CDH18: variants seen among roughly 807,000 people sequenced by gnomAD.
The protein encoded by CDH18 is cadherin 18.
Under a neutral mutation model 67.9 loss-of-function variants are expected in CDH18, and 31 were observed. The observed-to-expected ratio is 0.46, with a 90% CI of 0.34 to 0.62. CDH18 has a LOEUF of 0.62. Ranked by LOEUF, CDH18 falls within the 20% of genes least tolerant of loss-of-function variation. The probability of loss-of-function intolerance (pLI) is 0.01; values close to 1 mark genes in which losing one functional copy is unlikely to be tolerated. For synonymous variants in CDH18, 362 were observed against 347.2 expected (o/e 1.04, Z -0.48); for missense variants, 890 against 975.5 (o/e 0.91, Z 1.17).
chr5:20,073,379 T>A (rs1743652302), intron 2 of CDH18, among the ~76,000 whole-genome samples: 1 of 151,998 alleles, frequency 6.6e-6, no homozygotes, highest in South Asian at 2.1e-4. Context: ...CTCAAATGAA[T>A]TTTATTTTGC....
intron 3 of CDH18, among the ~76,000 whole-genome samples, chr5:19,758,685 G>A (rs1033851568): frequency 2.0e-5 from 3 of 152,204 alleles, no homozygotes; most frequent in South Asian, 2.1e-4. Context: ...ATTGTAGGAG[G>A]TGCCAAATGC....
rs147482144 is a variant in CDH18, at chr5:19,928,784, T to C, written c.-257+52276A>G. On this transcript the variant is annotated intron_variant, in intron 2 of 12. Transcript: ENST00000382275. ...TTGGCACTCAGGATCTCTGAATAAA[T>C]GCATTGGCTGCACAGTGGGGCTCAG... Among the ~76,000 whole-genome samples the C allele has an allele frequency of 6.3e-4, 96 of 152,204 alleles. 2 individuals carry two copies. Among genetic ancestry groups the C allele is most frequent in the African/African-American group, 2.1e-3 (87 of 41,562 alleles).
At chr5:20,465,994 T>A (rs1751609322) in intron 1 of CDH18, among the ~76,000 whole-genome samples, 1 of 152,068 alleles carries the variant, frequency 6.6e-6, no homozygotes, top group African/African-American at 2.4e-5. Flanking sequence ...ATTTTTAATC[T>A]GTAATTGTAG....
At chr5:20,489,621 T>A (rs1337544958) in intron 1 of CDH18, among the ~76,000 whole-genome samples, 1 of 152,056 alleles carries the variant, frequency 6.6e-6, no homozygotes, top group Non-Finnish European at 1.5e-5. Context: ...CTATTACAGT[T>A]CAAGATAAAA....
Position 19,800,950 on chromosome 5 carries a change from C to G in CDH18, c.228+37809G>C, listed in dbSNP as rs112136908. Among the ~76,000 whole-genome samples the G allele has an allele frequency of 3.2e-3, 481 of 152,222 alleles. 2 individuals are homozygous for G. The highest frequency in any genetic ancestry group is 9.4e-3 in the African/African-American group (389 of 41,536). ...CCTGGGCAACACGGTGAAGCCCAGT[C>G]TTTATTAAAATACAAAAAATTAGCC... On this transcript the variant is annotated intron_variant, in intron 3 of 12. Transcript: ENST00000382275.
At chr5:19,573,503 C>T (rs1392892161) in intron 7 of CDH18, among the ~76,000 whole-genome samples, 1 of 152,128 alleles carries the variant, frequency 6.6e-6, no homozygotes, top group African/African-American at 2.4e-5. Flanking sequence ...TGGTCTCGAT[C>T]TCCTGACCTC....
intron 3 of CDH18, among the ~76,000 whole-genome samples, chr5:19,836,134 T>C (rs562295361): frequency 8.8e-4 from 134 of 152,308 alleles, no homozygotes; most frequent in East Asian, 2.5e-3. Context: ...TTAAGAAATA[T>C]GCATCATAAA....
intron 2 of CDH18, among the ~76,000 whole-genome samples, chr5:20,087,694 T>G (rs1198344995): frequency 2.0e-5 from 3 of 151,778 alleles, no homozygotes; most frequent in Non-Finnish European, 4.4e-5. Context: ...AGCATGTACG[T>G]TTTTTAAATA....
Position 19,743,921 on chromosome 5 carries a change from C to CA in CDH18, c.523+3020dup, listed in dbSNP as rs140476096. Among the ~76,000 whole-genome samples, 82 of 65,906 alleles carry CA rather than the reference C, an allele frequency of 1.2e-3. 8 individuals carry two copies. Among genetic ancestry groups the CA allele is most frequent in the African/African-American group, 5.1e-3 (79 of 15,468 alleles). The allele number at this position is 65,906 out of a possible 152,430, so 43.2% of individuals were successfully genotyped here. On this transcript the variant is annotated intron_variant, in intron 4 of 12. Coordinates refer to ENST00000382275, the MANE Select transcript of CDH18 (RefSeq NM_004934.5). ...GGGCGGCAGAGTGAGACTCTTGTCT[C>CA]AAAAAAAAAAAAAAAAAAAAAAAAA...
intron 12 of CDH18, among the ~76,000 whole-genome samples, chr5:19,480,383 AT>A (rs368935774): frequency 5.6e-5 from 8 of 143,802 alleles, no homozygotes; most frequent in African/African-American, 2.3e-4. Context: ...TTATTTATTT[AT>A]TTATTTATTT....
intron 5 of CDH18, among the ~76,000 whole-genome samples, chr5:19,692,880 C>T (rs1176539020): frequency 6.6e-6 from 1 of 151,854 alleles, no homozygotes; most frequent in Non-Finnish European, 1.5e-5. Flanking sequence ...AGTAATCTCA[C>T]TACTAGGTAT....
At chr5:20,250,427 G>C (rs1195543000) in intron 2 of CDH18, among the ~76,000 whole-genome samples, 1 of 151,450 alleles carries the variant, frequency 6.6e-6, no homozygotes, top group Non-Finnish European at 1.5e-5. Context: ...TGAGTAGCTG[G>C]GACTGCAGGC....
At chr5:20,506,964 A>G (rs908249528) in intron 1 of CDH18, among the ~76,000 whole-genome samples, 4 of 152,188 alleles carry the variant, frequency 2.6e-5, no homozygotes, top group African/African-American at 7.2e-5. Flanking sequence ...AAAGATAGGC[A>G]TCTTCTGATT....
At chr5:20,339,898 C>A (rs1210232696) in intron 1 of CDH18, among the ~76,000 whole-genome samples, 1 of 152,126 alleles carries the variant, frequency 6.6e-6, no homozygotes, top group Non-Finnish European at 1.5e-5. Flanking sequence ...CTGCAAGCAG[C>A]AGAGAAATTT....
chr5:19,666,237 T>TTATTATTATTA (rs1757908537), intron 5 of CDH18, among the ~76,000 whole-genome samples: 1 of 128,162 alleles, frequency 7.8e-6, no homozygotes, highest in Non-Finnish European at 1.6e-5. Context: ...CTGTATGATT[T>TTATTATTATTA]TTATTATTAT....
chr5:20,294,493 A>G, intron 1 of CDH18, among the ~76,000 whole-genome samples: 1 of 152,218 alleles, frequency 6.6e-6, no homozygotes, highest in East Asian at 1.9e-4. Flanking sequence ...TCCTCATCTT[A>G]TAGTTAGATG....
chr5:20,398,496 T>C (rs961059878), intron 1 of CDH18, among the ~76,000 whole-genome samples: 10 of 152,166 alleles, frequency 6.6e-5, no homozygotes, highest in African/African-American at 2.4e-4. Flanking sequence ...CTTCACTTTG[T>C]ATAAAAAGAT....
At chr5:19,629,803 A>G (rs1752135567) in intron 5 of CDH18, among the ~76,000 whole-genome samples, 2 of 152,198 alleles carry the variant, frequency 1.3e-5, no homozygotes, top group African/African-American at 4.8e-5. Context: ...CAAATTTGAA[A>G]GACTTTTCAC....
intron 2 of CDH18, among the ~76,000 whole-genome samples, chr5:19,928,654 G>A (rs1793354935): frequency 6.6e-6 from 1 of 152,134 alleles, no homozygotes; most frequent in Non-Finnish European, 1.5e-5. Flanking sequence ...AATGGGCTAA[G>A]AGTAGCAAAA....
Sources: allele counts gnomAD v4.1 joint callset (sites outside exome capture counted in the v4.1 genomes callset), GRCh38; gene constraint gnomAD v4.1.1; transcripts MANE v1.5; gene names NCBI Gene and HGNC (gene_info 2026-07-23, HGNC 2026-07-21).